Variants in DAP observed in about 807,000 individuals in gnomAD.
DAP encodes the protein death associated protein, also known as death-associated protein 1.
Under a neutral mutation model 13.8 loss-of-function variants are expected in DAP, and 8 were observed. That is an observed-to-expected ratio of 0.58 (90% CI 0.34 to 1.05). The LOEUF is 1.05. DAP is among the 50% of genes least tolerant of loss of function. The pLI, the probability that DAP is intolerant of heterozygous loss-of-function variation, is 0.03. For synonymous variants in DAP, 47 were observed against 47.5 expected (o/e 0.99, Z 0.04); for missense variants, 106 against 133.2 (o/e 0.80, Z 1.01).
rs574562304 is a variant in DAP, at chr5:10,707,698, G to C, written c.153-24127C>G. 6.6e-6 allele frequency among the ~76,000 whole-genome samples: 1 copy of C among 152,126 alleles called. No individual in the cohort carries two copies. The highest frequency in any genetic ancestry group is 1.5e-5 in the Non-Finnish European group (1 of 68,032). On this transcript the variant is annotated intron_variant, in intron 2 of 3. Transcript: ENST00000230895. The surrounding 1 kb of genome is among the most constrained non-coding windows in gnomAD (Gnocchi z 4.0). ...TGGTGCACAGGCGGCGTGATGTACA[G>C]GTGGTGTGATGCATGGGTGGTGTGG...
At chr5:10,717,016 A>C (rs1410981199) in intron 2 of DAP, among the ~76,000 whole-genome samples, 2 of 152,220 alleles carry the variant, frequency 1.3e-5, no homozygotes, top group African/African-American at 2.4e-5. Flanking sequence ...ACTTATGCAA[A>C]ATAAATGCAT....
chr5:10,698,866 C>A (rs1396509736), intron 2 of DAP, among the ~76,000 whole-genome samples: 1 of 152,116 alleles, frequency 6.6e-6, no homozygotes, highest in Non-Finnish European at 1.5e-5. Flanking sequence ...TTCCAAAGAA[C>A]AAAGGAAGAC....
chr5:10,737,356 CA>C (rs1198532548), intron 2 of DAP, among the ~76,000 whole-genome samples: 1 of 142,702 alleles, frequency 7.0e-6, no homozygotes, highest in African/African-American at 2.7e-5. Flanking sequence ...AAAAAAAAAA[CA>C]AAAACAAAAA....
intron 2 of DAP, among the ~76,000 whole-genome samples, chr5:10,727,737 A>G (rs1031072183): frequency 1.3e-5 from 2 of 152,216 alleles, no homozygotes; most frequent in Non-Finnish European, 1.5e-5. Flanking sequence ...GAGATATCCA[A>G]TCTATGCAGT....
At chr5:10,694,924 C>T (rs1738396549) in intron 2 of DAP, among the ~76,000 whole-genome samples, 1 of 152,202 alleles carries the variant, frequency 6.6e-6, no homozygotes, top group Admixed American at 6.5e-5. Flanking sequence ...TAGCTTTGTG[C>T]TTCCAGAGTT....
In DAP at chr5:10,680,651, C is replaced by T. The variant is rs1737961080; in HGVS notation, c.*405G>A. ...CCACAGGTGTTGAGATTTTATTGGCCCATACTAAAAAGCATGCAATGACTG... is the reference window on the plus strand; with the variant it reads ...CCACAGGTGTTGAGATTTTATTGGCTCATACTAAAAAGCATGCAATGACTG... On this transcript the variant is annotated 3_prime_UTR_variant, in exon 4 of 4. Transcript: ENST00000230895. 3.2e-6 allele frequency: 4 copies of T among 1,269,070 alleles called. No homozygotes were observed. The highest frequency in any genetic ancestry group is 1.9e-4 in the Middle Eastern group (1 of 5,316). The allele number at this position is 1,269,070 out of a possible 1,614,324, so 78.6% of individuals were successfully genotyped here.
At chr5:10,722,373 C>T (rs1031250768) in intron 2 of DAP, among the ~76,000 whole-genome samples, 47 of 152,224 alleles carry the variant, frequency 3.1e-4, no homozygotes, top group African/African-American at 1.1e-3. Flanking sequence ...GAACATCGGA[C>T]TCCAAGTTCT....
At chr5:10,744,872 C>A (rs929488100) in intron 2 of DAP, among the ~76,000 whole-genome samples, 1 of 152,178 alleles carries the variant, frequency 6.6e-6, no homozygotes, top group Non-Finnish European at 1.5e-5. Context: ...GCCACCAGCA[C>A]TGGAATGCTG....
At chr5:10,737,388 A>AAC (rs1561028852) in intron 2 of DAP, among the ~76,000 whole-genome samples, 17 of 148,776 alleles carry the variant, frequency 1.1e-4, no homozygotes, top group African/African-American at 3.5e-4. Flanking sequence ...ACAACAACAA[A>AAC]AAAAACTGGA....
chr5:10,722,006 T>C (rs941617728), intron 2 of DAP, among the ~76,000 whole-genome samples: 1 of 152,196 alleles, frequency 6.6e-6, no homozygotes, highest in Non-Finnish European at 1.5e-5. Context: ...GTACAAAGGA[T>C]AGTTGTATTA....
At chr5:10,701,114 G>A (rs1738566409) in intron 2 of DAP, among the ~76,000 whole-genome samples, 1 of 152,220 alleles carries the variant, frequency 6.6e-6, no homozygotes, top group Non-Finnish European at 1.5e-5. Flanking sequence ...TGGGGCATCC[G>A]GGTACTTGGT....
intron 1 of DAP, 59 bp from the exon 2 acceptor site, chr5:10,748,330 G>A (rs1739963686): frequency 1.2e-5 from 17 of 1,449,958 alleles, no homozygotes; most frequent in Non-Finnish European, 1.6e-5. Flanking sequence ...TGTGGATCAG[G>A]GGGACCAGCT....
intron 2 of DAP, among the ~76,000 whole-genome samples, chr5:10,717,754 C>G (rs1013810884): frequency 3.9e-5 from 6 of 152,186 alleles, no homozygotes; most frequent in Admixed American, 1.3e-4. Flanking sequence ...GCAGCTACGA[C>G]AATGAACGGC....
At chr5:10,693,576 G>C (rs923005769) in intron 2 of DAP, among the ~76,000 whole-genome samples, 5 of 152,212 alleles carry the variant, frequency 3.3e-5, no homozygotes, top group Non-Finnish European at 5.9e-5. Context: ...TCACAGATTG[G>C]AATGGTAAAT....
At chr5:10,757,129 C>T (rs757062398) in intron 1 of DAP, among the ~76,000 whole-genome samples, 4 of 152,196 alleles carry the variant, frequency 2.6e-5, no homozygotes, top group South Asian at 2.1e-4. Flanking sequence ...CTGCCTCATT[C>T]GTCTCCCACC....
At chr5:10,720,799 A>G (rs905735370) in intron 2 of DAP, among the ~76,000 whole-genome samples, 7 of 152,224 alleles carry the variant, frequency 4.6e-5, no homozygotes, top group African/African-American at 1.7e-4. Flanking sequence ...TCCATCATGG[A>G]AGATGGCATC....
At chr5:10,704,685 T>C (rs2918392) in intron 2 of DAP, among the ~76,000 whole-genome samples, 70,123 of 151,882 alleles carry the variant, frequency 0.46, 17,581 homozygotes, top group East Asian at 0.74. Flanking sequence ...TGTATCTTGG[T>C]CTTTTCTGGG....
intron 1 of DAP, among the ~76,000 whole-genome samples, chr5:10,760,809 GCA>G (rs1740325081): frequency 6.6e-6 from 1 of 152,048 alleles, no homozygotes; most frequent in Non-Finnish European, 1.5e-5. Context: ...GCCGCCGCCG[GCA>G]AGCGGGGCCG....
intron 2 of DAP, among the ~76,000 whole-genome samples, chr5:10,723,832 C>T (rs1470564127): frequency 6.6e-6 from 1 of 152,140 alleles, no homozygotes; most frequent in East Asian, 1.9e-4. Flanking sequence ...AGTTGTGACA[C>T]CTTCTATGTT....
Sources: gnomAD v4.1 joint callset for allele counts (sites outside exome capture counted in the v4.1 genomes callset) on GRCh38, gnomAD v4.1.1 for gene constraint, Gnocchi (gnomAD v3.1) non-coding constraint, MANE v1.5 for transcripts, NCBI Gene and HGNC (gene_info 2026-07-23, HGNC 2026-07-21) for gene names.